Variants in DST observed in about 807,000 individuals in gnomAD.
DST encodes the protein bullous pemphigoid antigen.
In DST, 253 loss-of-function variants were observed where a neutral mutation model predicts 875.2. That is an observed-to-expected ratio of 0.29 (90% CI 0.26 to 0.32). The LOEUF (loss-of-function observed/expected upper bound fraction) is 0.32, where lower values mean the gene tolerates loss of function less well. DST is among the 10% of genes least tolerant of loss of function. The pLI is 1.00. For synonymous variants in DST, 3,124 were observed against 3,197.1 expected (o/e 0.98, Z 0.77); for missense variants, 8,287 against 9,111.6 (o/e 0.91, Z 3.68).
At chr6:56,905,483 C>A (rs917840686) in intron 2 of DST, among the ~76,000 whole-genome samples, 2 of 152,116 alleles carry the variant, frequency 1.3e-5, no homozygotes, top group African/African-American at 4.8e-5. Context: ...AATTTAGATA[C>A]TTTATATAAA....
Position 56,607,349 on chromosome 6 carries a change from G to A in DST, c.7279C>T (p.Pro2427Ser). ...ENEDNTNRDS[P>S]IFDYSPRLSA... ...AGCCTGGGGGAATAGTCAAAGATAG[G>A]TGAATCCCTGTTTGTATTATCTTCA... Residue 2427 changes from proline (P) to serine (S), a missense_variant, in exon 40 of 104, where the codon CCT becomes TCT. Physicochemically the swap from Pro to Ser is moderately conservative, Grantham distance 74. This residue lies in a region of DST where 3,138 missense variants were observed against 3,116.6 expected (regional missense o/e 1.01). Transcript: ENST00000680361. 1 of 1,613,074 alleles carries A rather than the reference G, an allele frequency of 6.2e-7. No individual in the cohort carries two copies. The highest frequency in any genetic ancestry group is 8.5e-7 in the Non-Finnish European group (1 of 1,179,640).
intron 2 of DST, among the ~76,000 whole-genome samples, chr6:56,902,363 C>A (rs1049961661): frequency 1.3e-5 from 2 of 152,124 alleles, no homozygotes; most frequent in African/African-American, 2.4e-5. Context: ...GAGAGATGAA[C>A]AGTATGAGAA....
At chr6:56,803,394 T>C (rs1030373616) in intron 4 of DST, among the ~76,000 whole-genome samples, 1 of 152,216 alleles carries the variant, frequency 6.6e-6, no homozygotes, top group African/African-American at 2.4e-5. Flanking sequence ...ACACTATTGA[T>C]TAAATACACC....
intron 3 of DST, among the ~76,000 whole-genome samples, chr6:56,869,102 T>G (rs1775720559): frequency 2.0e-5 from 3 of 152,204 alleles, no homozygotes; most frequent in Non-Finnish European, 4.4e-5. Flanking sequence ...TTTTGGTGGC[T>G]CTAGGTATGG....
chr6:56,756,155 G>T (rs898112633), intron 4 of DST, among the ~76,000 whole-genome samples: 7 of 152,140 alleles, frequency 4.6e-5, no homozygotes, highest in Admixed American at 3.3e-4. Context: ...GGCACAGGGG[G>T]CTCTTGACCC....
chr6:56,927,293 T>TA (rs1422973500), intron 2 of DST, among the ~76,000 whole-genome samples: 1 of 151,942 alleles, frequency 6.6e-6, no homozygotes, highest in Non-Finnish European at 1.5e-5. Context: ...TACCAAATCT[T>TA]AAAAAATAAA....
chr6:56,663,257 A>C (rs912076138), intron 10 of DST, among the ~76,000 whole-genome samples: 3 of 152,230 alleles, frequency 2.0e-5, no homozygotes, highest in Non-Finnish European at 4.4e-5. Context: ...GAATTTTAAA[A>C]TGTGATAATG....
intron 2 of DST, among the ~76,000 whole-genome samples, chr6:56,902,789 G>C (rs1794736381): frequency 1.3e-5 from 2 of 152,192 alleles, no homozygotes; most frequent in Middle Eastern, 3.2e-3. Context: ...TTAAGGAGAA[G>C]AGGGAACTGG....
chr6:56,472,409 C>T (rs1432208142), intron 93 of DST, among the ~76,000 whole-genome samples, 187 bp from the exon 94 acceptor site: 1 of 152,184 alleles, frequency 6.6e-6, no homozygotes, highest in Non-Finnish European at 1.5e-5. Context: ...AAGGATCACA[C>T]ACTGTTCATG....
intron 9 of DST, among the ~76,000 whole-genome samples, chr6:56,694,329 A>C (rs1225696438): frequency 3.3e-5 from 5 of 152,128 alleles, no homozygotes; most frequent in Admixed American, 2.6e-4. Context: ...TAGACTGATC[A>C]AAAGATGGAA....
intron 4 of DST, among the ~76,000 whole-genome samples, chr6:56,811,357 C>A (rs751363418): frequency 6.6e-6 from 1 of 152,052 alleles, no homozygotes. Flanking sequence ...GTCCTCTCCC[C>A]CTGCTACCAG....
In DST at chr6:56,526,370, T is replaced by C; in HGVS notation, c.18120A>G (p.Arg6040=). 6.2e-7 allele frequency: 1 copy of C among 1,613,718 alleles called. No individual in the cohort carries two copies. The highest frequency in any genetic ancestry group is 8.5e-7 in the Non-Finnish European group (1 of 1,179,766). The part of the protein sequence containing the change: ...KVEEIDAAIL[R]SQQFDQAADA... ...AACCATTTTTCCCTACCTGCTGTGA[T>C]CGCAGAATGGCTGCATCGATCTCCT... is the stretch of plus-strand genomic sequence containing the variant. The change falls in exon 69 of 104, where the codon CGA becomes CGG. Residue 6040 remains arginine (R), a synonymous_variant. Transcript: ENST00000680361.
chr6:56,780,748 A>G (rs1438504835), intron 4 of DST, among the ~76,000 whole-genome samples: 3 of 150,190 alleles, frequency 2.0e-5, no homozygotes, highest in Non-Finnish European at 4.5e-5. Context: ...CCATTTGTCA[A>G]TTTTGGCTTT....
In DST at chr6:56,555,821, G is replaced by C. The variant is rs552900120; in HGVS notation, c.14660C>G (p.Ala4887Gly). 5 of 1,494,824 alleles carry C rather than the reference G, an allele frequency of 3.3e-6. No homozygotes were observed. The African/African-American group carries it at 5.6e-5, about 17-fold the overall frequency. The allele number at this position is 1,494,824 out of a possible 1,614,324, so 92.6% of individuals were successfully genotyped here. The change falls in exon 60 of 104, where the codon GCC (alanine) becomes GGC (glycine). Residue 4887 changes from alanine to glycine, a missense_variant. Coordinates refer to ENST00000680361, the MANE Select transcript of DST (RefSeq NM_001374736.1). ...QQVQILLQEFATRKPQYEQLT... is the reference protein window; with the variant it reads ...QQVQILLQEFGTRKPQYEQLT... ...CTGTTCATATTGAGGTTTCCGAGTG[G>C]CGAATTCTTGCAGCAAAATCTAAGG...
chr6:56,639,029 A>T, intron 22 of DST: 1 of 581,872 alleles, frequency 1.7e-6, no homozygotes, highest in Non-Finnish European at 3.0e-6. Context: ...ACAGCAATAC[A>T]TCTTCTCAGC....
intron 72 of DST, among the ~76,000 whole-genome samples, chr6:56,512,815 CTAAA>C (rs777312179): frequency 6.6e-6 from 1 of 152,102 alleles, no homozygotes; most frequent in African/African-American, 2.4e-5. Context: ...TTAGAAAGGG[CTAAA>C]TAAAGATGAA....
Position 56,608,322 on chromosome 6 carries a change from A to G in DST, c.6306T>C (p.Asn2102=). Residue 2102 remains asparagine, a synonymous_variant, in exon 40 of 104, where the codon AAT becomes AAC. Coordinates refer to ENST00000680361, the MANE Select transcript of DST (RefSeq NM_001374736.1). ...ITNELAYKIL[N]GRQKIAALYI... ...AAAGAGCAGCTATTTTTTGTCTGCCATTCAGGATTTTGTAGGCCAATTCAT... is the reference window on the plus strand; with the variant it reads ...AAAGAGCAGCTATTTTTTGTCTGCCGTTCAGGATTTTGTAGGCCAATTCAT... 6.2e-7 allele frequency: 1 copy of G among 1,613,090 alleles called. No homozygotes were observed. The highest frequency in any genetic ancestry group is 8.5e-7 in the Non-Finnish European group (1 of 1,179,794).
chr6:56,817,901 G>A (rs1480217950), intron 4 of DST, among the ~76,000 whole-genome samples: 3 of 152,150 alleles, frequency 2.0e-5, no homozygotes, highest in African/African-American at 7.2e-5. Context: ...TCTTGTGATG[G>A]GGAGACTAGC....
At position 56,746,902 on chromosome 6, in the gene DST, G is replaced by A. The variant is rs74507117; in HGVS notation, c.626-11613C>T. ...GAAGGCAGAGTTAAGCACTCCAGGC[G>A]TGACTGGACTTGCTCTTAGGCTGAT... On this transcript the variant is annotated intron_variant, in intron 4 of 103. Coordinates refer to ENST00000680361, the MANE Select transcript of DST (RefSeq NM_001374736.1). Among the ~76,000 whole-genome samples the A allele has an allele frequency of 5.1e-4, 78 of 152,266 alleles. 2 individuals are homozygous for A. Among genetic ancestry groups the A allele is most frequent in the South Asian group, 4.4e-3 (21 of 4,812 alleles).
Sources: gnomAD v4.1 joint callset for allele counts (sites outside exome capture counted in the v4.1 genomes callset) on GRCh38, gnomAD v4.1.1 for gene constraint, gnomAD v4.1.1 regional missense constraint, MANE v1.5 for transcripts, NCBI Gene and HGNC (gene_info 2026-07-23, HGNC 2026-07-21) for gene names.